Variants in ITGA11 observed in about 807,000 individuals in gnomAD.
ITGA11 encodes integrin subunit alpha 11.
In ITGA11, 97 loss-of-function variants were observed where a neutral mutation model predicts 141.9. That is an observed-to-expected ratio of 0.68 (90% CI 0.58 to 0.81). The LOEUF is 0.81. ITGA11 is among the 30% of genes least tolerant of loss of function. ITGA11 has a pLI of 0.00. For synonymous variants in ITGA11, 658 were observed against 624.6 expected, an observed-to-expected ratio of 1.05 and a Z score of -0.80; for missense variants, 1,387 against 1,559.2, an observed-to-expected ratio of 0.89 and a Z score of 1.86.
intron 1 of ITGA11, among the ~76,000 whole-genome samples, chr15:68,426,788 G>A (rs1378141751): frequency 6.6e-6 from 1 of 152,034 alleles, no homozygotes; most frequent in Non-Finnish European, 1.5e-5. Context: ...GCCAAGGCAG[G>A]CAGATCACCT....
At chr15:68,392,152 G>C (rs1896137033) in intron 2 of ITGA11, among the ~76,000 whole-genome samples, 4 of 152,148 alleles carry the variant, frequency 2.6e-5, no homozygotes, top group African/African-American at 9.7e-5. Context: ...GAATTCTATG[G>C]GGGCAGCTTA....
rs1358304549 is a variant in ITGA11 at position 68,328,072 on chromosome 15, G to C, written c.2068+24C>G. 6 of 1,603,722 alleles carry C rather than the reference G, an allele frequency of 3.7e-6. No individual in the cohort carries two copies. Among genetic ancestry groups the C allele is most frequent in the Non-Finnish European group, 5.1e-6 (6 of 1,174,804 alleles). On this transcript the variant is annotated intron_variant, in intron 16 of 29. Coordinates refer to ENST00000315757, the MANE Select transcript of ITGA11 (RefSeq NM_001004439.2). This position sits in a 1 kb window ranked among gnomAD's most constrained non-coding sequence, Gnocchi z 4.8. ...GGGGGAGACTGGAGTCTGGGGGTGG[G>C]GAGAAAGGAGGGGCCTGCTTTACCA...
rs1893092028 is a variant in ITGA11, at chr15:68,303,420, A to AC, written c.3496-291dup. On this transcript the variant is annotated intron_variant, in intron 29 of 29. Transcript: ENST00000315757. This position sits in a 1 kb window ranked among gnomAD's most constrained non-coding sequence, Gnocchi z 5.3. The stretch of plus-strand genomic sequence containing the variant: ...TCATCTGTAACAGGAGGAGGCTGAG[A>AC]CCAGGGGTTTGTAACCAGAGCTTCA... Among the ~76,000 whole-genome samples, 1 of 152,118 alleles carries AC rather than the reference A, an allele frequency of 6.6e-6. No homozygotes were observed. Among genetic ancestry groups the AC allele is most frequent in the Admixed American group, 6.5e-5 (1 of 15,286 alleles).
At chr15:68,347,439 T>C (rs1894775480) in intron 10 of ITGA11, among the ~76,000 whole-genome samples, 1 of 152,252 alleles carries the variant, frequency 6.6e-6, no homozygotes, top group African/African-American at 2.4e-5. Context: ...TAAACCGCTG[T>C]GCACATGTAA....
chr15:68,340,922 G>T, intron 10 of ITGA11: 1 of 152,388 alleles, frequency 6.6e-6, no homozygotes, highest in Non-Finnish European at 1.5e-5. Flanking sequence ...GGTGATTACA[G>T]GGGTGGGGGC....
At chr15:68,346,460 G>A (rs1251749025) in intron 10 of ITGA11, among the ~76,000 whole-genome samples, 1 of 152,220 alleles carries the variant, frequency 6.6e-6, no homozygotes, top group Non-Finnish European at 1.5e-5. Context: ...AGGACAGTGA[G>A]CTGATTATTT....
At chr15:68,406,932 TTAAA>T (rs1270100786) in intron 1 of ITGA11, among the ~76,000 whole-genome samples, 2 of 152,184 alleles carry the variant, frequency 1.3e-5, no homozygotes, top group Non-Finnish European at 2.9e-5. Context: ...CTCTGGGAGA[TTAAA>T]TAGTTTCCCC....
In ITGA11 at chr15:68,307,538, G is replaced by T. The variant is rs189282421; in HGVS notation, c.3285+48C>A. On this transcript the variant is annotated intron_variant, in intron 27 of 29. Coordinates refer to ENST00000315757, the MANE Select transcript of ITGA11 (RefSeq NM_001004439.2). This position sits in a 1 kb window ranked among gnomAD's most constrained non-coding sequence, Gnocchi z 6.1. ...CCAGGTGGAAGACATCCCAACAGCC[G>T]CCCCCTTTCCCTTCTTCCTTCCAGC... 6.5e-7 allele frequency: 1 copy of T among 1,527,364 alleles called. No homozygotes were observed. Among genetic ancestry groups the T allele is most frequent in the East Asian group, 2.3e-5 (1 of 43,120 alleles). The allele number at this position is 1,527,364 out of a possible 1,614,324, so 94.6% of individuals were successfully genotyped here.
Position 68,325,177 on chromosome 15 carries a change from T to C in ITGA11, c.2276A>G (p.His759Arg), listed in dbSNP as rs1243979501. ...CCAGCCGTCGTCCAGCATGGGGCCA[T>C]GGTCAGGGTCCTCCAGGGAATACTC... ...SVEYSLEDPD[H>R]GPMLDDGWPT... The change falls in exon 18 of 30, where the codon CAT becomes CGT. Residue 759 changes from histidine (H) to arginine (R), a missense_variant. His to Arg is a conservative substitution (Grantham distance 29). Coordinates refer to ENST00000315757, the MANE Select transcript of ITGA11 (RefSeq NM_001004439.2). This position sits in a 1 kb window ranked among gnomAD's most constrained non-coding sequence, Gnocchi z 5.5. 1.9e-6 allele frequency: 3 copies of C among 1,613,708 alleles called. No individual in the cohort carries two copies. The highest frequency in any genetic ancestry group is 1.7e-5 in the Admixed American group (1 of 59,992).
intron 5 of ITGA11, among the ~76,000 whole-genome samples, chr15:68,360,413 C>T (rs751353556): frequency 2.0e-5 from 3 of 152,112 alleles, no homozygotes; most frequent in Non-Finnish European, 2.9e-5. Context: ...TGGGAACAAA[C>T]TGGTTTGAGG....
At chr15:68,327,250 G>A (rs1246416155) in intron 16 of ITGA11, among the ~76,000 whole-genome samples, 3 of 152,150 alleles carry the variant, frequency 2.0e-5, no homozygotes, top group Non-Finnish European at 4.4e-5. Flanking sequence ...CCTTCCTGCC[G>A]GATCCTCAAA....
chr15:68,427,009 T>A (rs959521247), intron 1 of ITGA11, among the ~76,000 whole-genome samples: 1 of 69,108 alleles, frequency 1.4e-5, no homozygotes, highest in Non-Finnish European at 2.6e-5. Context: ...AGCAAGACTG[T>A]CTCAAAAAAA....
Position 68,321,280 on chromosome 15 carries a change from G to A in ITGA11, c.2408+138C>T, listed in dbSNP as rs1413800486. ...TTGGTGGCAGAGCCTGGGCTAGAAC[G>A]CAGGCTCCAAGTGCAATGTTTGATC... On this transcript the variant is annotated intron_variant, in intron 19 of 29. Transcript: ENST00000315757. The surrounding 1 kb of genome is among the most constrained non-coding windows in gnomAD (Gnocchi z 4.9). 4 of 480,344 alleles carry A rather than the reference G, an allele frequency of 8.3e-6. No homozygotes were observed. In the East Asian group the frequency reaches 1.1e-4, roughly 13 times the overall value. 29.8% of individuals were successfully genotyped at this position (480,344 alleles called of 1,614,324 possible). A position where few individuals can be genotyped will look rare whatever the true frequency, so the allele number is the denominator to read the frequency against.
intron 3 of ITGA11, among the ~76,000 whole-genome samples, chr15:68,367,548 C>T (rs1895462100): frequency 1.3e-5 from 2 of 152,126 alleles, no homozygotes; most frequent in Non-Finnish European, 2.9e-5. Flanking sequence ...CTTCCATCAC[C>T]CCCTAGCCAC....
intron 11 of ITGA11, among the ~76,000 whole-genome samples, chr15:68,339,236 C>T (rs1351641397): frequency 1.3e-5 from 2 of 152,196 alleles, no homozygotes; most frequent in South Asian, 2.1e-4. Context: ...CCAAATGAAA[C>T]ACATTGAAGG....
chr15:68,327,233 G>A (rs1894007061), intron 16 of ITGA11, among the ~76,000 whole-genome samples: 1 of 152,164 alleles, frequency 6.6e-6, no homozygotes, highest in Non-Finnish European at 1.5e-5. Context: ...AGGAGGGCTG[G>A]CCAGCCCCTT....
In ITGA11 at chr15:68,307,785, C is replaced by T; in HGVS notation, c.3175-89G>A. 1 of 864,452 alleles carries T rather than the reference C, an allele frequency of 1.2e-6. No individual in the cohort carries two copies. Among genetic ancestry groups the T allele is most frequent in the South Asian group, 1.5e-5 (1 of 65,524 alleles). The allele number at this position is 864,452 out of a possible 1,614,324, so 53.5% of individuals were successfully genotyped here. ...TGCTTGAACGACTGGGGCTCTGCTCCTGGGGGCAGGGGCAGAGGACAGGGG... is the reference window on the plus strand; with the variant it reads ...TGCTTGAACGACTGGGGCTCTGCTCTTGGGGGCAGGGGCAGAGGACAGGGG... On this transcript the variant is annotated intron_variant, in intron 26 of 29. Transcript: ENST00000315757. The surrounding 1 kb of genome is among the most constrained non-coding windows in gnomAD (Gnocchi z 6.1).
Position 68,320,238 on chromosome 15 carries a change from C to T in ITGA11, c.2563G>A (p.Val855Ile). The change falls in exon 20 of 30, where the codon GTC becomes ATC. Residue 855 changes from valine (V) to isoleucine (I), a missense_variant. Transcript: ENST00000315757. ...ENRGENAYST[V>I]LNISQSANLQ... is the part of the protein sequence containing the mutation. ...TTTGCTGACTGCGAGATATTTAGGA[C>T]CGTGCTGTAGGCGTTCTCGCCCCTG... 6.2e-7 allele frequency: 1 copy of T among 1,614,048 alleles called. No homozygotes were observed. Among genetic ancestry groups the T allele is most frequent in the Middle Eastern group, 1.6e-4 (1 of 6,062 alleles).
intron 2 of ITGA11, among the ~76,000 whole-genome samples, chr15:68,390,375 T>C (rs1896088544): frequency 6.6e-6 from 1 of 151,936 alleles, no homozygotes; most frequent in Admixed American, 6.6e-5. Flanking sequence ...GAGTCAGCGG[T>C]GGATTCTTCC....
Sources: gnomAD v4.1 joint callset for allele counts (sites outside exome capture counted in the v4.1 genomes callset) on GRCh38, gnomAD v4.1.1 for gene constraint, Gnocchi (gnomAD v3.1) non-coding constraint, MANE v1.5 for transcripts, NCBI Gene and HGNC (gene_info 2026-07-23, HGNC 2026-07-21) for gene names.